Variants in ITPRID1 observed in about 807,000 individuals in gnomAD.
ITPRID1 encodes the protein protein ITPRID1.
A neutral mutation model predicts 95.4 loss-of-function variants in ITPRID1; 96 were observed. The observed-to-expected ratio is 1.01, with a 90% confidence interval of 0.85 to 1.19. The LOEUF (loss-of-function observed/expected upper bound fraction) is 1.19. Ranked by LOEUF, ITPRID1 falls within the 50% of genes most tolerant of loss-of-function variation. The pLI, the probability that ITPRID1 is intolerant of heterozygous loss-of-function variation, is 0.00. For synonymous variants in ITPRID1, 510 were observed against 453.6 expected, an observed-to-expected ratio of 1.12 and a Z score of -1.58; for missense variants, 1,339 against 1,252.9, an observed-to-expected ratio of 1.07 and a Z score of -1.04.
chr7:31,655,867 G>GA lies in ITPRID1; in HGVS notation c.*3040dup. 1.0e-6 allele frequency: 1 copy of GA among 985,446 alleles called. No individual in the cohort carries two copies. The highest frequency in any genetic ancestry group is 1.2e-6 in the Non-Finnish European group (1 of 829,960). 61.0% of individuals were successfully genotyped at this position (985,446 alleles called of 1,614,324 possible). A position where few individuals can be genotyped will look rare whatever the true frequency, so the allele number is the denominator to read the frequency against. On this transcript the variant is annotated 3_prime_UTR_variant, in exon 15 of 15. Coordinates refer to ENST00000615280, the MANE Select transcript of ITPRID1 (RefSeq NM_001257967.3). ...TTGCTCCTTCCCTGTAACGCCTACG[G>GA]AATGAAGAGGAACACCTGGCTCTAG...
intron 1 of ITPRID1, among the ~76,000 whole-genome samples, chr7:31,520,531 G>A (rs530835288): frequency 3.9e-5 from 2 of 50,732 alleles, no homozygotes; most frequent in African/African-American, 3.0e-4. Context: ...GTGTGTGTGT[G>A]TGTGTGTGTG....
chr7:31,599,601 C>A (rs949208240), intron 10 of ITPRID1, among the ~76,000 whole-genome samples: 11 of 71,680 alleles, frequency 1.5e-4, no homozygotes, highest in Non-Finnish European at 1.1e-4. Flanking sequence ...TTCTTTCTTT[C>A]TTTCTTTCTT....
At chr7:31,559,187 A>G (rs1191913676) in intron 5 of ITPRID1, among the ~76,000 whole-genome samples, 2 of 152,148 alleles carry the variant, frequency 1.3e-5, no homozygotes, top group Non-Finnish European at 2.9e-5. Context: ...ATTTTCATAA[A>G]TGAGCTCCCT....
At chr7:31,635,880 A>G (rs1285139736) in intron 10 of ITPRID1, among the ~76,000 whole-genome samples, 1 of 152,132 alleles carries the variant, frequency 6.6e-6, no homozygotes, top group African/African-American at 2.4e-5. Context: ...CCATGGCACA[A>G]GTTTACCTAT....
intron 5 of ITPRID1, chr7:31,555,392 G>A (rs1375324470): frequency 6.6e-6 from 1 of 152,346 alleles, no homozygotes; most frequent in African/African-American, 2.4e-5. Context: ...TATCACACTT[G>A]TTTCACTGAG....
At chr7:31,519,581 T>TCG (rs1449585963) in intron 1 of ITPRID1, among the ~76,000 whole-genome samples, 7 of 22,636 alleles carry the variant, frequency 3.1e-4, no homozygotes, top group East Asian at 4.3e-3. Context: ...TTCTGGTATC[T>TCG]CTCTCTCTCT....
chr7:31,618,573 G>C (rs1787493264), intron 10 of ITPRID1, among the ~76,000 whole-genome samples: 1 of 152,308 alleles, frequency 6.6e-6, no homozygotes, highest in South Asian at 2.1e-4. Flanking sequence ...GAAAGGCTTT[G>C]AAACCAAAAG....
At chr7:31,631,270 T>C (rs539537960) in intron 10 of ITPRID1, among the ~76,000 whole-genome samples, 1 of 152,306 alleles carries the variant, frequency 6.6e-6, no homozygotes, top group East Asian at 1.9e-4. Context: ...AGGCATGTGC[T>C]CACAAACACA....
At chr7:31,556,633 G>T (rs1314961295) in intron 5 of ITPRID1, among the ~76,000 whole-genome samples, 1 of 152,106 alleles carries the variant, frequency 6.6e-6, no homozygotes, top group South Asian at 2.1e-4. Context: ...AGAAACTGGG[G>T]ACCTGGAGGT....
intron 1 of ITPRID1, among the ~76,000 whole-genome samples, chr7:31,528,069 C>T (rs962575438): frequency 1.3e-5 from 2 of 152,130 alleles, no homozygotes; most frequent in African/African-American, 2.4e-5. Flanking sequence ...TCTGAATTAA[C>T]TATGCCTCTG....
chr7:31,535,272 C>G (rs1021695537), intron 1 of ITPRID1, among the ~76,000 whole-genome samples: 1 of 151,930 alleles, frequency 6.6e-6, no homozygotes, highest in South Asian at 2.1e-4. Context: ...TGGTATACTT[C>G]GAAATATCAC....
At chr7:31,571,156 T>C (rs151270754) in intron 6 of ITPRID1, among the ~76,000 whole-genome samples, 1,678 of 152,176 alleles carry the variant, frequency 0.011, 15 homozygotes, top group South Asian at 0.028. Context: ...GCCTCCCGAG[T>C]AGCTGGGATT....
chr7:31,652,030 A>G lies in ITPRID1; in HGVS notation c.2803A>G (p.Ile935Val), dbSNP rs1376423808. The change falls in exon 14 of 15, where the codon ATC (isoleucine) becomes GTC (valine). Residue 935 changes from isoleucine to valine, a missense_variant. Transcript: ENST00000615280. ...EFQLGDRAQQ[I>V]REGILLQLEV... The stretch of plus-strand genomic sequence containing the variant: ...TCAGTTAGGAGACCGGGCTCAGCAA[A>G]TCAGAGAAGGGATTTTACTGGTATG... 1 of 1,601,238 alleles carries G rather than the reference A, an allele frequency of 6.2e-7. No individual in the cohort carries two copies. Among genetic ancestry groups the G allele is most frequent in the Admixed American group, 1.7e-5 (1 of 58,316 alleles).
chr7:31,559,348 C>A (rs1320361990), intron 5 of ITPRID1, among the ~76,000 whole-genome samples: 1 of 152,024 alleles, frequency 6.6e-6, no homozygotes, highest in Admixed American at 6.6e-5. Context: ...CTACTTATTG[C>A]AGAATTTGTA....
chr7:31,629,676 CA>C (rs1193708540), intron 10 of ITPRID1, among the ~76,000 whole-genome samples: 1 of 152,152 alleles, frequency 6.6e-6, no homozygotes, highest in Non-Finnish European at 1.5e-5. Flanking sequence ...ACTCACCTCT[CA>C]AAAAGCATCC....
chr7:31,595,382 C>T (rs896344340), intron 10 of ITPRID1, among the ~76,000 whole-genome samples: 2 of 128,190 alleles, frequency 1.6e-5, no homozygotes, highest in Non-Finnish European at 3.5e-5. Context: ...ACTGTATGAG[C>T]CACATTTTTA....
At chr7:31,611,606 T>C (rs1786872896) in intron 10 of ITPRID1, among the ~76,000 whole-genome samples, 1 of 151,974 alleles carries the variant, frequency 6.6e-6, no homozygotes, top group Non-Finnish European at 1.5e-5. Context: ...CTATATTCTA[T>C]ATTCTATATT....
chr7:31,545,944 C>T (rs966006960), intron 1 of ITPRID1, among the ~76,000 whole-genome samples: 1 of 152,068 alleles, frequency 6.6e-6, no homozygotes, highest in Admixed American at 6.6e-5. Context: ...TTTGAGTGAT[C>T]TTCCAAACCT....
At chr7:31,656,935 G>A (rs1282322276), downstream of ITPRID1, among the ~76,000 whole-genome samples, 1 of 151,404 alleles carries the variant, frequency 6.6e-6, no homozygotes, top group Non-Finnish European at 1.5e-5. Context: ...GATGAACAAT[G>A]TTTGCTGATG....
Sources: gnomAD v4.1 joint callset for allele counts (sites outside exome capture counted in the v4.1 genomes callset) on GRCh38, gnomAD v4.1.1 for gene constraint, MANE v1.5 for transcripts, NCBI Gene and HGNC (gene_info 2026-07-23, HGNC 2026-07-21) for gene names.